The following ADAMTS6 variants were observed in gnomAD, a reference collection of about 807,000 sequenced individuals.
ADAMTS6 encodes A disintegrin and metalloproteinase with thrombospondin motifs 6.
ADAMTS6 carries 23 observed loss-of-function variants against 144.3 expected under a neutral mutation model. The ratio of observed to expected loss-of-function variants is 0.16; its 90% CI spans 0.11 to 0.23. The LOEUF (loss-of-function observed/expected upper bound fraction) is 0.23. ADAMTS6 is among the 10% of genes least tolerant of loss of function. The probability of loss-of-function intolerance (pLI) is 1.00; values close to 1 mark genes in which losing one functional copy is unlikely to be tolerated. For synonymous variants in ADAMTS6, 444 were observed against 457.5 expected (o/e 0.97, Z 0.38); for missense variants, 999 against 1,379.6 (o/e 0.72, Z 4.37).
chr5:65,299,325 C>G (rs548307399), intron 10 of ADAMTS6, among the ~76,000 whole-genome samples: 1 of 152,054 alleles, frequency 6.6e-6, no homozygotes, highest in African/African-American at 2.4e-5. Context: ...GAAAGTGAGA[C>G]CCAAGTCTAT....
At chr5:65,372,222 C>A (rs1320364632) in intron 7 of ADAMTS6, among the ~76,000 whole-genome samples, 3 of 144,550 alleles carry the variant, frequency 2.1e-5, no homozygotes, top group Non-Finnish European at 4.5e-5. Flanking sequence ...AACCAGCTAA[C>A]ATCATAATGA....
chr5:65,331,913 TATA>T (rs1307217220), intron 8 of ADAMTS6, among the ~76,000 whole-genome samples: 6 of 151,956 alleles, frequency 3.9e-5, no homozygotes, highest in Admixed American at 3.3e-4. Context: ...TATACAAGTT[TATA>T]ATTTGAAAAA....
At chr5:65,243,346 T>C (rs1476823258) in intron 14 of ADAMTS6, among the ~76,000 whole-genome samples, 3 of 152,118 alleles carry the variant, frequency 2.0e-5, no homozygotes, top group African/African-American at 2.4e-5. Context: ...TTGAAGAATA[T>C]GCAGTAACAA....
At chr5:65,402,123 A>G (rs1013498149) in intron 7 of ADAMTS6, among the ~76,000 whole-genome samples, 4 of 152,050 alleles carry the variant, frequency 2.6e-5, no homozygotes, top group African/African-American at 4.8e-5. Context: ...TCATCTTCCA[A>G]GTTTACCACT....
intron 22 of ADAMTS6, among the ~76,000 whole-genome samples, chr5:65,181,274 C>T (rs977459752): frequency 2.0e-5 from 3 of 152,172 alleles, no homozygotes; most frequent in Non-Finnish European, 2.9e-5. Flanking sequence ...TTTGAGCTTG[C>T]CTCACTTGTG....
At chr5:65,290,050 A>C (rs1742133086) in intron 11 of ADAMTS6, among the ~76,000 whole-genome samples, 1 of 152,180 alleles carries the variant, frequency 6.6e-6, no homozygotes, top group Non-Finnish European at 1.5e-5. Context: ...AATCACACAC[A>C]ATCTTTCAAG....
chr5:65,399,847 C>T (rs1753769842), intron 7 of ADAMTS6, among the ~76,000 whole-genome samples: 3 of 152,102 alleles, frequency 2.0e-5, no homozygotes, highest in Admixed American at 6.6e-5. Context: ...TCACTAATTC[C>T]TTCAATGATG....
At chr5:65,411,047 AG>A (rs1197355075) in intron 7 of ADAMTS6, among the ~76,000 whole-genome samples, 1 of 152,084 alleles carries the variant, frequency 6.6e-6, no homozygotes, top group African/African-American at 2.4e-5. Flanking sequence ...CATGTTTCCC[AG>A]GCTGGTCTTG....
chr5:65,409,640 C>T (rs1754882480), intron 7 of ADAMTS6, among the ~76,000 whole-genome samples: 1 of 152,186 alleles, frequency 6.6e-6, no homozygotes, highest in African/African-American at 2.4e-5. Flanking sequence ...CCTCCTAACT[C>T]ATTTTATGAG....
chr5:65,300,700 C>G (rs1205695402), intron 9 of ADAMTS6, among the ~76,000 whole-genome samples: 1 of 151,794 alleles, frequency 6.6e-6, no homozygotes, highest in African/African-American at 2.4e-5. Context: ...GGCGCGAACT[C>G]GGCTCACTGC....
chr5:65,474,138 G>T (rs1281934424), intron 1 of ADAMTS6, among the ~76,000 whole-genome samples, 186 bp from the exon 2 acceptor site: 2 of 152,036 alleles, frequency 1.3e-5, no homozygotes, highest in Admixed American at 1.3e-4. Flanking sequence ...GACCAAAATG[G>T]TTATCAGCAT....
chr5:65,380,789 G>T (rs1445539860), intron 7 of ADAMTS6, among the ~76,000 whole-genome samples: 2 of 151,858 alleles, frequency 1.3e-5, no homozygotes, highest in African/African-American at 4.8e-5. Flanking sequence ...TTCTCTCATT[G>T]GTTTGTAAGT....
intron 15 of ADAMTS6, among the ~76,000 whole-genome samples, chr5:65,238,934 T>C (rs1758918175): frequency 6.6e-6 from 1 of 152,182 alleles, no homozygotes; most frequent in South Asian, 2.1e-4. Context: ...CATTAACAAC[T>C]GATGCAAAAA....
chr5:65,402,926 G>C (rs547023360), intron 7 of ADAMTS6, among the ~76,000 whole-genome samples: 2 of 152,134 alleles, frequency 1.3e-5, no homozygotes, highest in South Asian at 4.2e-4. Flanking sequence ...AAAACCCATT[G>C]AATAAGTTGT....
chr5:65,363,309 A>G (rs1054402921), intron 7 of ADAMTS6, among the ~76,000 whole-genome samples: 1 of 152,200 alleles, frequency 6.6e-6, no homozygotes, highest in African/African-American at 2.4e-5. Flanking sequence ...TTTTAGGTTA[A>G]TATGATAACA....
At chr5:65,457,609 A>T (rs975422410) in intron 4 of ADAMTS6, among the ~76,000 whole-genome samples, 1 of 152,154 alleles carries the variant, frequency 6.6e-6, no homozygotes, top group African/African-American at 2.4e-5. Flanking sequence ...AATATGATAA[A>T]ATCTTTAAAT....
intron 22 of ADAMTS6, 41 bp downstream of exon 22, chr5:65,187,975 G>C (rs1754774894): frequency 6.3e-7 from 1 of 1,597,810 alleles, no homozygotes; most frequent in Non-Finnish European, 8.6e-7. Context: ...AGATAGTTAG[G>C]ACATTTCAAA....
At chr5:65,327,301 G>A (rs1199969294) in intron 9 of ADAMTS6, among the ~76,000 whole-genome samples, 1 of 152,060 alleles carries the variant, frequency 6.6e-6, no homozygotes, top group Non-Finnish European at 1.5e-5. Flanking sequence ...TTTAAAATGA[G>A]TTACTCAGAC....
At chr5:65,349,228 A>T (rs1031813419) in intron 7 of ADAMTS6, among the ~76,000 whole-genome samples, 1 of 152,140 alleles carries the variant, frequency 6.6e-6, no homozygotes, top group East Asian at 1.9e-4. Context: ...AGCAGCCAAT[A>T]GTCTAATTCT....
Sources: allele counts gnomAD v4.1 joint callset (sites outside exome capture counted in the v4.1 genomes callset), GRCh38; gene constraint gnomAD v4.1.1; transcripts MANE v1.5; gene names NCBI Gene and HGNC (gene_info 2026-07-23, HGNC 2026-07-21).